Variants in FOXP2 observed in about 807,000 individuals in gnomAD.
FOXP2 encodes forkhead box protein P2.
FOXP2 carries 12 observed loss-of-function variants against 115.8 expected under a neutral mutation model. That is an observed-to-expected ratio of 0.10 (90% CI 0.07 to 0.17). FOXP2 has a LOEUF of 0.17. Among genes scored for constraint, FOXP2 ranks in the 10% least tolerant of loss-of-function variants. FOXP2 has a pLI of 1.00. For missense variants in FOXP2, 629 were observed against 843.5 expected (o/e 0.75, Z 3.15); for synonymous variants, 328 against 297.7 (o/e 1.10, Z -1.05).
intron 2 of FOXP2, among the ~76,000 whole-genome samples, chr7:114,495,601 A>T (rs376822073): frequency 1.1e-4 from 16 of 144,040 alleles, no homozygotes; most frequent in African/African-American, 4.2e-4. Context: ...TGCCTCCCAT[A>T]TTCAAGCAAT....
rs6971308 is a variant in FOXP2, at chr7:114,442,086, T to C, written c.168+15407T>C. ...AGCATTACTTATAATAGCAAAAAAC[T>C]GGAAATACCACAAATGTACATTAAT... On this transcript the variant is annotated intron_variant, in intron 2 of 16. Transcript: ENST00000350908. 5.8e-3 allele frequency among the ~76,000 whole-genome samples: 880 copies of C among 152,208 alleles called. 5 individuals carry two copies. Among genetic ancestry groups the C allele is most frequent in the African/African-American group, 0.02 (839 of 41,540 alleles).
At chr7:114,466,994 G>A (rs1156995581) in intron 2 of FOXP2, among the ~76,000 whole-genome samples, 1 of 152,208 alleles carries the variant, frequency 6.6e-6, no homozygotes, top group Non-Finnish European at 1.5e-5. Context: ...GAAAGTCTGA[G>A]TAGTGACTGT....
intron 1 of FOXP2, among the ~76,000 whole-genome samples, chr7:114,177,418 T>C (rs1049801673): frequency 6.6e-6 from 1 of 152,168 alleles, no homozygotes; most frequent in Admixed American, 6.5e-5. Context: ...TTTTGTCTTC[T>C]GGGTGGGTAA....
intron 1 of FOXP2, among the ~76,000 whole-genome samples, chr7:114,268,357 G>A (rs544940947): frequency 7.2e-5 from 11 of 152,120 alleles, no homozygotes; most frequent in South Asian, 6.2e-4. Flanking sequence ...TGTGCAAGAG[G>A]GAATTTGCTC....
chr7:114,461,003 C>A (rs1795536037), intron 2 of FOXP2, among the ~76,000 whole-genome samples: 1 of 152,186 alleles, frequency 6.6e-6, no homozygotes, highest in Non-Finnish European at 1.5e-5. Flanking sequence ...TGTCTGCTGA[C>A]TCAAGTTATG....
At chr7:114,120,279 G>A (rs1354735634) in intron 1 of FOXP2, among the ~76,000 whole-genome samples, 1 of 152,142 alleles carries the variant, frequency 6.6e-6, no homozygotes, top group Non-Finnish European at 1.5e-5. Flanking sequence ...CACATGCTAG[G>A]AGAAGAGAGA....
intron 3 of FOXP2, among the ~76,000 whole-genome samples, chr7:114,625,971 C>A (rs1057279720): frequency 1.3e-5 from 2 of 151,590 alleles, no homozygotes; most frequent in Non-Finnish European, 3.0e-5. Context: ...TTAATTGGCT[C>A]ATCTTTCTAT....
intron 1 of FOXP2, among the ~76,000 whole-genome samples, chr7:114,231,413 A>C (rs887963057): frequency 2.0e-5 from 3 of 152,134 alleles, no homozygotes; most frequent in African/African-American, 7.2e-5. Context: ...TAAATAACCA[A>C]AACAATTTAG....
chr7:114,105,145 C>T (rs1005644106), intron 1 of FOXP2, among the ~76,000 whole-genome samples: 46 of 151,846 alleles, frequency 3.0e-4, no homozygotes, highest in African/African-American at 1.0e-3. Context: ...ATGAGATAGT[C>T]GTGGGTTTGT....
At chr7:114,492,528 T>C (rs1165960050) in intron 2 of FOXP2, among the ~76,000 whole-genome samples, 1 of 152,204 alleles carries the variant, frequency 6.6e-6, no homozygotes, top group Non-Finnish European at 1.5e-5. Context: ...ATATCTTTCC[T>C]GCTTTCTCTT....
At position 114,415,214 on chromosome 7, in the gene FOXP2, C is replaced by T. The variant is rs1793282831; in HGVS notation, c.-157C>T. ...GCTGTAAATAGTTGTCTGATGGTGG[C>T]TTTGACAGTGAGCTAGCTTCTGAGT... On this transcript the variant is annotated 5_prime_UTR_variant, in exon 1 of 17. Coordinates refer to ENST00000350908, the MANE Select transcript of FOXP2 (RefSeq NM_014491.4). 2 of 453,940 alleles carry T rather than the reference C, an allele frequency of 4.4e-6. No homozygotes were observed. Among genetic ancestry groups the T allele is most frequent in the South Asian group, 3.1e-5 (2 of 64,478 alleles). 28.1% of individuals were successfully genotyped at this position (453,940 alleles called of 1,614,324 possible).
chr7:114,335,562 T>A (rs1171061359), intron 2 of FOXP2, among the ~76,000 whole-genome samples: 1 of 151,910 alleles, frequency 6.6e-6, no homozygotes, highest in African/African-American at 2.4e-5. Flanking sequence ...GAGATTTATC[T>A]GTGGCAAATA....
intron 2 of FOXP2, among the ~76,000 whole-genome samples, chr7:114,510,054 C>A: frequency 6.6e-6 from 1 of 152,122 alleles, no homozygotes; most frequent in East Asian, 1.9e-4. Flanking sequence ...TGGGAAAAGA[C>A]TGACATTAAA....
At chr7:114,471,226 A>G (rs1307223063) in intron 2 of FOXP2, among the ~76,000 whole-genome samples, 1 of 152,202 alleles carries the variant, frequency 6.6e-6, no homozygotes, top group East Asian at 1.9e-4. Context: ...AATAATTGAA[A>G]TTTATTATTG....
chr7:114,597,574 T>A (rs1468978071), intron 3 of FOXP2, among the ~76,000 whole-genome samples: 4 of 152,136 alleles, frequency 2.6e-5, no homozygotes, highest in Admixed American at 2.6e-4. Context: ...AGTAAGCCAA[T>A]GTGCATCCAG....
rs141852879 is a variant in FOXP2, at chr7:114,315,698, C to T, written c.-11+27589C>T. On this transcript the variant is annotated intron_variant, in intron 2 of 17. Coordinates refer to the FOXP2 transcript ENST00000634411. ...GTAATTATGTTCTGTGAAGTCACCA[C>T]AAACACTGAGTTAGTGAACACTGAA... 4.5e-3 allele frequency among the ~76,000 whole-genome samples: 686 copies of T among 152,122 alleles called. 4 individuals carry two copies. The highest frequency in any genetic ancestry group is 0.016 in the African/African-American group (657 of 41,498).
At chr7:114,474,884 A>G (rs895347533) in intron 2 of FOXP2, among the ~76,000 whole-genome samples, 2 of 151,922 alleles carry the variant, frequency 1.3e-5, no homozygotes, top group Non-Finnish European at 2.9e-5. Flanking sequence ...CTCTGTTCCT[A>G]CACTACTGTT....
At chr7:114,333,421 G>A (rs1190696125) in intron 2 of FOXP2, among the ~76,000 whole-genome samples, 1 of 152,092 alleles carries the variant, frequency 6.6e-6, no homozygotes, top group Non-Finnish European at 1.5e-5. Flanking sequence ...AGGCTTCTGT[G>A]ATTAGAGGTT....
intron 2 of FOXP2, among the ~76,000 whole-genome samples, chr7:114,294,889 T>A (rs901552199): frequency 6.6e-6 from 1 of 151,904 alleles, no homozygotes; most frequent in African/African-American, 2.4e-5. Context: ...CATACATACA[T>A]ACATACATGC....
Sources: allele counts gnomAD v4.1 joint callset (sites outside exome capture counted in the v4.1 genomes callset), GRCh38; gene constraint gnomAD v4.1.1; transcripts MANE v1.5; gene names NCBI Gene and HGNC (gene_info 2026-07-23, HGNC 2026-07-21).